The following ANTXR1 variants were observed in gnomAD, a reference collection of about 807,000 sequenced individuals.
ANTXR1 encodes the protein anthrax toxin receptor 1.
A neutral mutation model predicts 78.1 loss-of-function variants in ANTXR1; 19 were observed. That is an observed-to-expected ratio of 0.24 (90% CI 0.17 to 0.36). The LOEUF (loss-of-function observed/expected upper bound fraction) is 0.36, where lower values mean the gene tolerates loss of function less well. Ranked by LOEUF, ANTXR1 falls within the 10% of genes least tolerant of loss-of-function variation. ANTXR1 has a pLI of 1.00. For missense variants in ANTXR1, 518 were observed against 718.6 expected (o/e 0.72, Z 3.19); for synonymous variants, 273 against 260.5 (o/e 1.05, Z -0.46).
intron 17 of ANTXR1, among the ~76,000 whole-genome samples, chr2:69,228,996 A>C (rs968795309): frequency 6.6e-6 from 1 of 152,160 alleles, no homozygotes; most frequent in Non-Finnish European, 1.5e-5. Context: ...CTGTGTGCTC[A>C]CATAGCCATT....
chr2:69,047,599 T>C (rs1669808595), intron 3 of ANTXR1, among the ~76,000 whole-genome samples: 1 of 152,072 alleles, frequency 6.6e-6, no homozygotes, highest in Non-Finnish European at 1.5e-5. Flanking sequence ...TCTATAAACT[T>C]GTCTGTCACC....
intron 3 of ANTXR1, among the ~76,000 whole-genome samples, chr2:69,049,297 ATTTCT>A (rs1228495895): frequency 1.3e-4 from 20 of 151,892 alleles, no homozygotes; most frequent in Admixed American, 1.1e-3. Flanking sequence ...TTTTTTGTTG[ATTTCT>A]TTTATTTTTA....
intron 13 of ANTXR1, among the ~76,000 whole-genome samples, chr2:69,161,208 A>T (rs537726136): frequency 6.6e-6 from 1 of 152,292 alleles, no homozygotes; most frequent in South Asian, 2.1e-4. Flanking sequence ...ATACCATCTG[A>T]TGGAGACCAT....
chr2:69,029,800 T>C (rs1481858874), intron 1 of ANTXR1, among the ~76,000 whole-genome samples: 2 of 151,864 alleles, frequency 1.3e-5, no homozygotes, highest in Admixed American at 1.3e-4. Flanking sequence ...AAAAAATATA[T>C]AAGAAAAAGA....
intron 15 of ANTXR1, 108 bp from the exon 16 acceptor site, chr2:69,182,385 C>T (rs1418254340): frequency 2.2e-6 from 3 of 1,351,988 alleles, no homozygotes; most frequent in Non-Finnish European, 3.1e-6. Flanking sequence ...CAAAGGAATC[C>T]AGGGTTGGGT....
At chr2:69,174,416 G>A (rs1026915647) in intron 14 of ANTXR1, among the ~76,000 whole-genome samples, 2 of 152,170 alleles carry the variant, frequency 1.3e-5, no homozygotes, top group African/African-American at 4.8e-5. Context: ...GGCGGGCAGA[G>A]TACTTGAGAC....
At chr2:69,120,098 C>A (rs1403411459) in intron 10 of ANTXR1, among the ~76,000 whole-genome samples, 1 of 152,200 alleles carries the variant, frequency 6.6e-6, no homozygotes, top group Non-Finnish European at 1.5e-5. Flanking sequence ...CGCTTAGCCT[C>A]GCCTACCTTA....
chr2:69,209,277 G>A (rs1377836685), intron 17 of ANTXR1, among the ~76,000 whole-genome samples: 1 of 152,098 alleles, frequency 6.6e-6, no homozygotes, highest in Admixed American at 6.6e-5. Context: ...CAATAATGAT[G>A]GTTCATGTTT....
intron 13 of ANTXR1, among the ~76,000 whole-genome samples, chr2:69,168,012 C>T (rs1193857039): frequency 6.6e-6 from 1 of 152,190 alleles, no homozygotes; most frequent in African/African-American, 2.4e-5. Context: ...CTGCATTCCC[C>T]AGCCAGTGTC....
chr2:69,220,589 A>G (rs1675295083), intron 17 of ANTXR1, among the ~76,000 whole-genome samples: 1 of 152,268 alleles, frequency 6.6e-6, no homozygotes, highest in Non-Finnish European at 1.5e-5. Flanking sequence ...ATTATGAATT[A>G]TGATAATCTT....
chr2:69,049,554 C>T (rs952285547), intron 3 of ANTXR1, among the ~76,000 whole-genome samples: 1 of 152,170 alleles, frequency 6.6e-6, no homozygotes, highest in Non-Finnish European at 1.5e-5. Flanking sequence ...AAATAATCCA[C>T]CCACCTCGGC....
chr2:69,173,737 T>C (rs1674049498), intron 14 of ANTXR1, among the ~76,000 whole-genome samples: 1 of 152,106 alleles, frequency 6.6e-6, no homozygotes, highest in Admixed American at 6.5e-5. Flanking sequence ...TGAAAGGCAA[T>C]AGATAGCAGG....
At chr2:69,205,880 C>T (rs978648396) in intron 17 of ANTXR1, among the ~76,000 whole-genome samples, 4 of 152,156 alleles carry the variant, frequency 2.6e-5, no homozygotes, top group African/African-American at 9.7e-5. Flanking sequence ...CATACTTTGT[C>T]ATTGCCATTT....
At chr2:69,043,770 G>A (rs1669676283) in intron 2 of ANTXR1, among the ~76,000 whole-genome samples, 1 of 152,146 alleles carries the variant, frequency 6.6e-6, no homozygotes, top group African/African-American at 2.4e-5. Context: ...GTGAATTGGA[G>A]CAAAGAACCT....
chr2:69,021,240 AC>A (rs1671180631), intron 1 of ANTXR1, among the ~76,000 whole-genome samples: 1 of 152,208 alleles, frequency 6.6e-6, no homozygotes, highest in African/African-American at 2.4e-5. Context: ...TAGAGAGGTT[AC>A]CCAAGGTCAC....
At chr2:69,017,925 G>A (rs754064983) in intron 1 of ANTXR1, among the ~76,000 whole-genome samples, 16 of 151,868 alleles carry the variant, frequency 1.1e-4, no homozygotes, top group South Asian at 4.2e-4. Context: ...CTCTTATTAC[G>A]TATATGTTTA....
intron 16 of ANTXR1, among the ~76,000 whole-genome samples, chr2:69,185,305 C>T (rs1674390739): frequency 6.6e-6 from 1 of 152,088 alleles, no homozygotes; most frequent in Non-Finnish European, 1.5e-5. Flanking sequence ...TTTTGGGAGG[C>T]CGAGGAGGGT....
chr2:69,070,473 T>C (rs1339278501), intron 3 of ANTXR1, among the ~76,000 whole-genome samples, 174 bp from the exon 4 acceptor site: 1 of 152,176 alleles, frequency 6.6e-6, no homozygotes, highest in Non-Finnish European at 1.5e-5. Context: ...TCATCCTGTG[T>C]TATGGTTGAC....
chr2:69,240,908 CCCA>C (rs1318051439), intron 17 of ANTXR1, among the ~76,000 whole-genome samples: 3 of 152,128 alleles, frequency 2.0e-5, no homozygotes, highest in African/African-American at 7.2e-5. Flanking sequence ...AAATAGTCCT[CCCA>C]CCACCATTAG....
Sources: gnomAD v4.1 joint callset for allele counts (sites outside exome capture counted in the v4.1 genomes callset) on GRCh38, gnomAD v4.1.1 for gene constraint, MANE v1.5 for transcripts, NCBI Gene and HGNC (gene_info 2026-07-23, HGNC 2026-07-21) for gene names.